PRCD: variants seen among roughly 807,000 people sequenced by gnomAD.
PRCD encodes the protein photoreceptor disk component PRCD.
In PRCD, 12 loss-of-function variants were observed where a neutral mutation model predicts 10.1. The observed-to-expected ratio is 1.18, with a 90% confidence interval of 0.76 to 1.92. The LOEUF (loss-of-function observed/expected upper bound fraction) is 1.92, where lower values mean the gene tolerates loss of function less well. Among genes scored for constraint, PRCD ranks in the 40% most tolerant of loss-of-function variants. The probability of loss-of-function intolerance (pLI) is 0.00; values close to 1 mark genes in which losing one functional copy is unlikely to be tolerated. For synonymous variants in PRCD, 31 were observed against 26.2 expected, an observed-to-expected ratio of 1.18 and a Z score of -0.56; for missense variants, 61 against 72.2, an observed-to-expected ratio of 0.84 and a Z score of 0.56.
At chr17:76,552,946 T>C (rs566533856) in intron 1 of PRCD, 2 of 148,346 alleles carry the variant, frequency 1.3e-5, no homozygotes, top group South Asian at 2.1e-4. Context: ...TATGTATACA[T>C]GTATACATAT....
Position 76,531,456 on chromosome 17 carries a change from A to T in PRCD, n.45+3623A>T. ...GGGGCTCTGCAGCAGATGGGGGCGC[A>T]TACCTTGAAGTACACCGGTTCCACC... On this transcript the variant is annotated intron_variant and non_coding_transcript_variant, in intron 1 of 4. Coordinates refer to the PRCD transcript ENST00000397633. The surrounding 1 kb of genome is among the most constrained non-coding windows in gnomAD (Gnocchi z 7.4). The T allele has an allele frequency of 6.2e-7, 1 of 1,601,216 alleles. No homozygotes were observed. Among genetic ancestry groups the T allele is most frequent in the East Asian group, 2.3e-5 (1 of 44,444 alleles).
chr17:76,534,104 T>G (rs2074882403), intron 1 of PRCD, among the ~76,000 whole-genome samples: 1 of 149,482 alleles, frequency 6.7e-6, no homozygotes. Context: ...TTTCTTTTTC[T>G]TTCTTTCTTC....
At position 76,540,640 on chromosome 17, in the gene PRCD, GGGGTGCACGT is replaced by G; in HGVS notation, c.143+69_143+78del. 1.3e-6 allele frequency: 2 copies of G among 1,511,106 alleles called. No homozygotes were observed. The highest frequency in any genetic ancestry group is 2.3e-5 in the South Asian group (2 of 87,948). 93.6% of individuals were successfully genotyped at this position (1,511,106 alleles called of 1,614,324 possible). A position where few individuals can be genotyped will look rare whatever the true frequency, so the allele number is the denominator to read the frequency against. ...AGGAAGCTGTGGCTGTGCATGCCTG[GGGGTGCACGT>G]GTGTGCCTGTGCGCGCCTGTGCGTG... On this transcript the variant is annotated intron_variant, in intron 2 of 4. Coordinates refer to ENST00000592014, the MANE Select transcript of PRCD (RefSeq NM_001077620.3). The surrounding 1 kb of genome is among the most constrained non-coding windows in gnomAD (Gnocchi z 5.0).
rs772708999 is a variant in PRCD, at chr17:76,542,582, C to T, written c.*8C>T. The T allele has an allele frequency of 6.2e-7, 1 of 1,614,188 alleles. No homozygotes were observed. Among genetic ancestry groups the T allele is most frequent in the Non-Finnish European group, 8.5e-7 (1 of 1,180,008 alleles). ...AAAGAACCTCTGAAGTAAGCCCTCA[C>T]CTCTGCAGGTGGGGCTCAGGCCCAG... On this transcript the variant is annotated 3_prime_UTR_variant, in exon 3 of 5. Coordinates refer to ENST00000592014, the MANE Select transcript of PRCD (RefSeq NM_001077620.3).
At chr17:76,529,454 G>C in intron 1 of PRCD, 1 of 985,468 alleles carries the variant, frequency 1.0e-6, no homozygotes, top group Non-Finnish European at 1.2e-6. Context: ...GCAGGGTGGG[G>C]AGGGCAGGAC....
chr17:76,551,013 G>GA (rs577670483), intron 1 of PRCD: 8 of 152,242 alleles, frequency 5.3e-5, no homozygotes, highest in Non-Finnish European at 1.2e-4. Flanking sequence ...TACTCAGCTA[G>GA]AATCAGCAGA....
At chr17:76,535,072 C>G (rs373788258), upstream of PRCD, among the ~76,000 whole-genome samples, 4 of 152,342 alleles carry the variant, frequency 2.6e-5, no homozygotes, top group South Asian at 2.1e-4. Flanking sequence ...TTACAACCAG[C>G]AGGGAGGGTG....
chr17:76,550,510 C>G (rs1199546095), intron 1 of PRCD: 1 of 152,220 alleles, frequency 6.6e-6, no homozygotes, highest in African/African-American at 2.4e-5. Context: ...GATCCACCGG[C>G]CTCAGCCTCC....
chr17:76,532,356 C>G (rs1461921934), intron 1 of PRCD, among the ~76,000 whole-genome samples: 2 of 152,108 alleles, frequency 1.3e-5, no homozygotes, highest in Non-Finnish European at 2.9e-5. Context: ...GTCAGACATG[C>G]CTTACCTGGA....
chr17:76,551,446 T>C (rs568096740), intron 1 of PRCD: 1 of 152,362 alleles, frequency 6.6e-6, no homozygotes, highest in African/African-American at 2.4e-5. Flanking sequence ...TCCTGTACAC[T>C]GTTGGCAAGC....
chr17:76,535,140 G>C (rs2074901309), upstream of PRCD, among the ~76,000 whole-genome samples: 4 of 152,216 alleles, frequency 2.6e-5, no homozygotes, highest in South Asian at 8.3e-4. Context: ...TCTGCCTCAG[G>C]CTCTAAAGCA....
At position 76,540,253 on chromosome 17, in the gene PRCD, G is replaced by GGC. The variant is rs1555624426; in HGVS notation, c.74+39_74+40insCG. 346 of 1,048,716 alleles carry GGC rather than the reference G, an allele frequency of 3.3e-4. 20 individuals are homozygous for GGC. Among genetic ancestry groups the GGC allele is most frequent in the Non-Finnish European group, 4.5e-4 (319 of 706,982 alleles). 65.0% of individuals were successfully genotyped at this position (1,048,716 alleles called of 1,614,324 possible). ...CCGGGCTATGGCTGGCGGTTGGTCG[G>GGC]GGGGGGGGGGCATGGGGCTGGGCTG... On this transcript the variant is annotated intron_variant, in intron 1 of 4. Coordinates refer to ENST00000592014, the MANE Select transcript of PRCD (RefSeq NM_001077620.3). The surrounding 1 kb of genome is among the most constrained non-coding windows in gnomAD (Gnocchi z 5.0).
In PRCD at chr17:76,528,598, G is replaced by T; in HGVS notation, n.45+765G>T. 1 of 1,284,836 alleles carries T rather than the reference G, an allele frequency of 7.8e-7. No homozygotes were observed. Among genetic ancestry groups the T allele is most frequent in the African/African-American group, 1.5e-5 (1 of 65,672 alleles). The allele number at this position is 1,284,836 out of a possible 1,614,324, so 79.6% of individuals were successfully genotyped here. A position where few individuals can be genotyped will look rare whatever the true frequency, so the allele number is the denominator to read the frequency against. On this transcript the variant is annotated intron_variant and non_coding_transcript_variant, in intron 1 of 4. Coordinates refer to the PRCD transcript ENST00000397633. The surrounding 1 kb of genome is among the most constrained non-coding windows in gnomAD (Gnocchi z 5.8). ...GGGTCCTACGGCCCCGAAGAGGGCA[G>T]TGTGGCCGGTGGGCTGTGGACGAGA...
At chr17:76,539,255 C>T (rs756936182), upstream of PRCD, among the ~76,000 whole-genome samples, 32 of 152,344 alleles carry the variant, frequency 2.1e-4, no homozygotes, top group East Asian at 5.8e-4. Context: ...CAAGTGGCTG[C>T]CCAACAGGTC....
intron 1 of PRCD, chr17:76,529,943 C>A: frequency 1.0e-6 from 1 of 985,296 alleles, no homozygotes; most frequent in Non-Finnish European, 1.2e-6. Flanking sequence ...CAGCCCGGGG[C>A]CAGTGTGGTC....
downstream of PRCD, among the ~76,000 whole-genome samples, chr17:76,548,623 C>T (rs1320306656): frequency 2.0e-5 from 3 of 152,162 alleles, no homozygotes; most frequent in East Asian, 3.8e-4. Context: ...GGAGTGAGGA[C>T]GCAGAGGACT....
chr17:76,542,462 T>G (rs1015729729), intron 2 of PRCD, 91 bp from the exon 3 acceptor site: 11 of 1,465,376 alleles, frequency 7.5e-6, no homozygotes, highest in Non-Finnish European at 1.1e-5. Context: ...TGGGGTGAAT[T>G]GATAGGGATG....
upstream of PRCD, chr17:76,538,412 C>T: frequency 2.3e-6 from 1 of 432,906 alleles, no homozygotes; most frequent in East Asian, 8.5e-5. Context: ...GAGGCCTGCG[C>T]CCCCTCTCCT....
At position 76,530,061 on chromosome 17, in the gene PRCD, G is replaced by T. The variant is rs896073453; in HGVS notation, n.45+2228G>T. Reference sequence around the variant, plus strand: ...GCCGGCAGTCTTGGGGGCCCGTGCAGAGCCCGGCGGGAGACGCCGCCTTTT... The same window carrying T: ...GCCGGCAGTCTTGGGGGCCCGTGCATAGCCCGGCGGGAGACGCCGCCTTTT... On this transcript the variant is annotated intron_variant and non_coding_transcript_variant, in intron 1 of 4. Coordinates refer to the PRCD transcript ENST00000397633. The surrounding 1 kb of genome is among the most constrained non-coding windows in gnomAD (Gnocchi z 6.1). The T allele has an allele frequency of 1.7e-5, 17 of 985,322 alleles. No homozygotes were observed. The highest frequency in any genetic ancestry group is 1.9e-5 in the Non-Finnish European group (16 of 829,936). 61.0% of individuals were successfully genotyped at this position (985,322 alleles called of 1,614,324 possible). A position where few individuals can be genotyped will look rare whatever the true frequency, so the allele number is the denominator to read the frequency against.
Sources: allele counts gnomAD v4.1 joint callset (sites outside exome capture counted in the v4.1 genomes callset), GRCh38; gene constraint gnomAD v4.1.1; non-coding constraint Gnocchi (gnomAD v3.1); transcripts MANE v1.5; gene names NCBI Gene and HGNC (gene_info 2026-07-23, HGNC 2026-07-21).